COL22A1: variants seen among roughly 807,000 people sequenced by gnomAD.
COL22A1 encodes the protein collagen type XXII alpha 1 chain.
A neutral mutation model predicts 248.9 loss-of-function variants in COL22A1; 221 were observed. That is an observed-to-expected ratio of 0.89 (90% confidence interval 0.80 to 0.99). The LOEUF is 0.99. Ranked by LOEUF, COL22A1 falls within the 50% of genes least tolerant of loss-of-function variation. The pLI, the probability that COL22A1 is intolerant of heterozygous loss-of-function variation, is 0.00. For missense variants in COL22A1, 2,240 were observed against 2,179.0 expected, an observed-to-expected ratio of 1.03 and a Z score of -0.56; for synonymous variants, 891 against 793.4, an observed-to-expected ratio of 1.12 and a Z score of -2.07.
At chr8:138,714,945 C>G (rs968456648) in intron 30 of COL22A1, among the ~76,000 whole-genome samples, 1 of 152,118 alleles carries the variant, frequency 6.6e-6, no homozygotes, top group African/African-American at 2.4e-5. Flanking sequence ...GCTGGTGCCT[C>G]CATTGCCCTC....
rs145712781 is a variant in COL22A1 at position 138,734,127 on chromosome 8, C to T, written c.2139+3397G>A. ...CCTCCAAACTGCCTCTGTTGCTCCC[C>T]GAAAGCTCTGCGGGAAATAGACGCT... On this transcript the variant is annotated intron_variant, in intron 23 of 64. Transcript: ENST00000303045. 2.1e-3 allele frequency among the ~76,000 whole-genome samples: 314 copies of T among 152,270 alleles called. 1 individual carries two copies. The highest frequency in any genetic ancestry group is 7.2e-3 in the African/African-American group (297 of 41,536).
chr8:138,617,298 G>T (rs1263515603), intron 53 of COL22A1, among the ~76,000 whole-genome samples: 16 of 152,054 alleles, frequency 1.1e-4, no homozygotes, highest in Admixed American at 9.8e-4. Flanking sequence ...AGCTTGGCCC[G>T]CCCCTCTCTG....
At position 138,871,225 on chromosome 8, in the gene COL22A1, C is replaced by G. The variant is rs181778040; in HGVS notation, c.658+6525G>C. ...GTGTCTTCAAAGGGAAAGATAATTG[C>G]AGGGGCTCTGAGGTAGGCCCTCTTC... On this transcript the variant is annotated intron_variant, in intron 3 of 64. Coordinates refer to ENST00000303045, the MANE Select transcript of COL22A1 (RefSeq NM_152888.3). Among the ~76,000 whole-genome samples, 5 of 152,274 alleles carry G rather than the reference C, an allele frequency of 3.3e-5. No individual in the cohort carries two copies. In the East Asian group the frequency reaches 9.6e-4, roughly 29 times the overall value.
chr8:138,829,404 T>G (rs1193598714), intron 5 of COL22A1, among the ~76,000 whole-genome samples: 56 of 37,252 alleles, frequency 1.5e-3, no homozygotes, highest in African/African-American at 4.9e-3. Context: ...TCCTTTCCTG[T>G]TTTTTTTTTT....
intron 16 of COL22A1, among the ~76,000 whole-genome samples, chr8:138,774,356 C>A (rs1814200036): frequency 6.7e-6 from 1 of 150,188 alleles, no homozygotes; most frequent in Non-Finnish European, 1.5e-5. Context: ...AGGAAATAAT[C>A]ATAAATTTGA....
chr8:138,906,136 C>T (rs1033651983), intron 1 of COL22A1, among the ~76,000 whole-genome samples: 10 of 152,180 alleles, frequency 6.6e-5, no homozygotes, highest in East Asian at 1.9e-4. Flanking sequence ...TTTGGGAGGC[C>T]GAGGCGGGCG....
chr8:138,692,225 C>CGTTTGTGGAGGTGTGT, intron 35 of COL22A1, among the ~76,000 whole-genome samples: 1 of 66,466 alleles, frequency 1.5e-5, no homozygotes, highest in East Asian at 7.0e-4. Context: ...TATGTGTGCA[C>CGTTTGTGGAGGTGTGT]GTGCATGTGC....
chr8:138,600,087 C>A (rs1817878784), intron 60 of COL22A1, among the ~76,000 whole-genome samples: 1 of 152,248 alleles, frequency 6.6e-6, no homozygotes, highest in South Asian at 2.1e-4. Flanking sequence ...TAGGGCTCAT[C>A]TCTCCCCACA....
At chr8:138,861,176 C>A (rs947784566) in intron 3 of COL22A1, among the ~76,000 whole-genome samples, 2 of 152,218 alleles carry the variant, frequency 1.3e-5, no homozygotes, top group African/African-American at 2.4e-5. Flanking sequence ...ACAGGGCATC[C>A]ATCACTCCTG....
chr8:138,602,558 C>A (rs984653372), intron 59 of COL22A1, among the ~76,000 whole-genome samples: 5 of 152,282 alleles, frequency 3.3e-5, no homozygotes, highest in East Asian at 1.9e-4. Context: ...GGCCTCTGTT[C>A]CTTGTCTTGC....
At chr8:138,699,601 G>T (rs1029349065) in intron 32 of COL22A1, among the ~76,000 whole-genome samples, 1 of 149,972 alleles carries the variant, frequency 6.7e-6, no homozygotes, top group East Asian at 2.0e-4. Context: ...AAGTGTTTTT[G>T]TGTGTGGAAG....
At chr8:138,906,915 A>G (rs556610169) in intron 1 of COL22A1, among the ~76,000 whole-genome samples, 11 of 152,270 alleles carry the variant, frequency 7.2e-5, no homozygotes, top group African/African-American at 2.6e-4. Flanking sequence ...GGCCTCCCAA[A>G]GTGCCGGGAC....
chr8:138,664,199 G>GCGCA (rs1554738465), intron 41 of COL22A1, among the ~76,000 whole-genome samples: 2 of 74,588 alleles, frequency 2.7e-5, no homozygotes, highest in South Asian at 5.5e-4. Flanking sequence ...AGGGGTGCGC[G>GCGCA]CGCGCGCGCG....
chr8:138,765,030 G>T (rs1348304607), intron 16 of COL22A1, among the ~76,000 whole-genome samples: 6 of 152,190 alleles, frequency 3.9e-5, no homozygotes, highest in Non-Finnish European at 7.3e-5. Context: ...GAGTGGAGCT[G>T]CCTGGGTTTC....
chr8:138,775,936 T>A (rs1814412854), intron 16 of COL22A1, 30 bp downstream of exon 16: 1 of 1,609,090 alleles, frequency 6.2e-7, no homozygotes, highest in Admixed American at 1.7e-5. Context: ...TGGAAAGCCG[T>A]ATTGATGAAT....
chr8:138,733,522 C>T (rs949043683), intron 23 of COL22A1, among the ~76,000 whole-genome samples: 4 of 152,104 alleles, frequency 2.6e-5, no homozygotes, highest in East Asian at 1.9e-4. Context: ...AGAATAGACA[C>T]GATTATATAT....
chr8:138,695,251 T>C (rs894804716), intron 32 of COL22A1, among the ~76,000 whole-genome samples: 2 of 152,190 alleles, frequency 1.3e-5, no homozygotes, highest in East Asian at 1.9e-4. Context: ...TGGCACATGG[T>C]AGATCATCAG....
At chr8:138,885,004 A>G (rs1824538517) in intron 1 of COL22A1, among the ~76,000 whole-genome samples, 1 of 136,270 alleles carries the variant, frequency 7.3e-6, no homozygotes, top group Admixed American at 8.1e-5. Context: ...CCATGTGCAT[A>G]TGTGTGTGCA....
intron 6 of COL22A1, among the ~76,000 whole-genome samples, chr8:138,822,090 G>A (rs1819190551): frequency 6.6e-6 from 1 of 152,094 alleles, no homozygotes; most frequent in Admixed American, 6.6e-5. Flanking sequence ...TGTTGCCCAG[G>A]CTGGAGTGCA....
Sources: allele counts gnomAD v4.1 joint callset (sites outside exome capture counted in the v4.1 genomes callset), GRCh38; gene constraint gnomAD v4.1.1; transcripts MANE v1.5; gene names NCBI Gene and HGNC (gene_info 2026-07-23, HGNC 2026-07-21).